The following WIZ variants were observed in gnomAD, a reference collection of about 807,000 sequenced individuals.
The protein encoded by WIZ is WIZ zinc finger, also known as protein Wiz.
A neutral mutation model predicts 140.2 loss-of-function variants in WIZ; 25 were observed. The ratio of observed to expected loss-of-function variants is 0.18; its 90% CI spans 0.13 to 0.25. The LOEUF (loss-of-function observed/expected upper bound fraction) is 0.25, where lower values mean the gene tolerates loss of function less well. WIZ is among the 10% of genes least tolerant of loss of function. The pLI, the probability that WIZ is intolerant of heterozygous loss-of-function variation, is 1.00. For missense variants in WIZ, 2,231 were observed against 2,632.6 expected (o/e 0.85, Z 3.34); for synonymous variants, 1,125 against 1,154.3 (o/e 0.97, Z 0.51).
Position 15,420,142 on chromosome 19 carries a change from A to G in WIZ, c.*2934T>C, listed in dbSNP as rs1048337122. 2.6e-5 allele frequency: 4 copies of G among 152,242 alleles called. No individual in the cohort carries two copies. The highest frequency in any genetic ancestry group is 4.4e-5 in the Non-Finnish European group (3 of 68,046). 9.4% of individuals were successfully genotyped at this position (152,242 alleles called of 1,614,324 possible). A position where few individuals can be genotyped will look rare whatever the true frequency, so the allele number is the denominator to read the frequency against. ...CTTCACACAATTCAGACAGGTAGAGAGAGGAGGAGGAAGCAAGGAGCTATA... is the reference window on the plus strand; with the variant it reads ...CTTCACACAATTCAGACAGGTAGAGGGAGGAGGAGGAAGCAAGGAGCTATA... On this transcript the variant is annotated 3_prime_UTR_variant, in exon 13 of 13. Transcript: ENST00000673675.
intron 2 of WIZ, among the ~76,000 whole-genome samples, chr19:15,444,035 G>A (rs950095466): frequency 1.3e-5 from 2 of 152,196 alleles, no homozygotes; most frequent in Non-Finnish European, 2.9e-5. Context: ...CTTGCCAATC[G>A]GGGAGCAGGC....
At chr19:15,435,141 C>T (rs1969474293) in intron 5 of WIZ, among the ~76,000 whole-genome samples, 1 of 152,098 alleles carries the variant, frequency 6.6e-6, no homozygotes, top group African/African-American at 2.4e-5. Context: ...TCGCTTGAAC[C>T]TGGGCAGCGG....
rs1352401537 is a variant in WIZ at position 15,439,725 on chromosome 19, G to A, written c.1269C>T (p.His423=). The change falls in exon 4 of 13, where the codon CAC becomes CAT. Residue 423 remains histidine, a synonymous_variant. Transcript: ENST00000673675. This position sits in a 1 kb window ranked among gnomAD's most constrained non-coding sequence, Gnocchi z 7.0. Reference sequence around the variant, plus strand: ...TGGTCTGGCCTGGGGGCTCACGCATGTGCAGCTTGGCATGCTGCACATAGG... The same window carrying A: ...TGGTCTGGCCTGGGGGCTCACGCATATGCAGCTTGGCATGCTGCACATAGG... The part of the protein sequence containing the change: ...SRAYVQHAKL[H]MREPPGQTTK... The A allele has an allele frequency of 1.4e-6, 2 of 1,477,442 alleles. No homozygotes were observed. Among genetic ancestry groups the A allele is most frequent in the African/African-American group, 1.4e-5 (1 of 70,608 alleles). 91.5% of individuals were successfully genotyped at this position (1,477,442 alleles called of 1,614,324 possible). A position where few individuals can be genotyped will look rare whatever the true frequency, so the allele number is the denominator to read the frequency against.
chr19:15,438,148 A>G (rs1969585560), intron 4 of WIZ, among the ~76,000 whole-genome samples: 1 of 152,204 alleles, frequency 6.6e-6, no homozygotes, highest in African/African-American at 2.4e-5. Context: ...GGAACTGACA[A>G]ACCTTACAGG....
In WIZ at chr19:15,430,067, C is replaced by T. The variant is rs1231672979; in HGVS notation, c.2934G>A (p.Glu978=). 1.4e-5 allele frequency: 22 copies of T among 1,531,882 alleles called. No individual in the cohort carries two copies. Among genetic ancestry groups the T allele is most frequent in the Non-Finnish European group, 1.7e-5 (20 of 1,144,026 alleles). 94.9% of individuals were successfully genotyped at this position (1,531,882 alleles called of 1,614,324 possible). The change falls in exon 7 of 13, where the codon GAG becomes GAA. Residue 978 remains glutamate (E), a synonymous_variant. Transcript: ENST00000673675. ...GGGTCTCAAAGCAGGCACCGCAGACCTCGCAGGTGGTCAGGCTCTGGGCTG... is the reference window on the plus strand; with the variant it reads ...GGGTCTCAAAGCAGGCACCGCAGACTTCGCAGGTGGTCAGGCTCTGGGCTG... ...DLKAQSLTTC[E]VCGACFETRK...
In WIZ at chr19:15,424,940, C is replaced by T; in HGVS notation, c.4987G>A (p.Val1663Met). The T allele has an allele frequency of 3.1e-6, 5 of 1,609,862 alleles. No homozygotes were observed. Among genetic ancestry groups the T allele is most frequent in the Non-Finnish European group, 3.4e-6 (4 of 1,178,874 alleles). ...GAGCCATTGACGCACCACTCGGTCA[C>T]GCCGAACTGCCGCAGGTGTGCCCGT... ...HARAHLRQFG[V>M]TEWCVNGSPI... The change falls in exon 11 of 13, where the codon GTG becomes ATG. Residue 1663 changes from valine to methionine, a missense_variant. Transcript: ENST00000673675. The surrounding 1 kb of genome is among the most constrained non-coding windows in gnomAD (Gnocchi z 9.7).
At chr19:15,426,921 G>A in intron 9 of WIZ, 61 bp downstream of exon 9, 1 of 1,541,596 alleles carries the variant, frequency 6.5e-7, no homozygotes, top group East Asian at 2.3e-5. Context: ...TACCCCCAAG[G>A]GGAGGCAGGG....
chr19:15,439,224 G>T lies in WIZ; in HGVS notation c.1770C>A (p.Tyr590Ter). The change falls in exon 4 of 13, where the codon TAC becomes TAA. Residue 590 changes from tyrosine to a stop codon, truncating the protein, a stop_gained. Transcript: ENST00000673675. LOFTEE classifies it high-confidence loss of function. The surrounding 1 kb of genome is among the most constrained non-coding windows in gnomAD (Gnocchi z 7.0). ...AFPSTLASTPYSLQLGRNKST... is the reference protein window; with the variant it reads ...AFPSTLASTP ...TTTTGTTTCTCCCGAGCTGTAAGGA[G>T]TAGGGGGTGGATGCTAGTGTGGAGG... is the stretch of plus-strand genomic sequence containing the variant. 1 of 1,535,754 alleles carries T rather than the reference G, an allele frequency of 6.5e-7. No individual in the cohort carries two copies. Among genetic ancestry groups the T allele is most frequent in the Non-Finnish European group, 8.7e-7 (1 of 1,146,704 alleles).
At chr19:15,429,509 CCTGGG>C (rs1969082092) in intron 7 of WIZ, 72 bp downstream of exon 7, 8 of 1,250,224 alleles carry the variant, frequency 6.4e-6, no homozygotes. Context: ...GGGCCCTGTC[CCTGGG>C]CTACAGCCCA....
At chr19:15,423,530 CTG>C (rs1968509348) in intron 12 of WIZ, among the ~76,000 whole-genome samples, 1 of 152,178 alleles carries the variant, frequency 6.6e-6, no homozygotes, top group South Asian at 2.1e-4. Context: ...TACATAGAAT[CTG>C]AGACAGTAGA....
chr19:15,425,852 AG>A (rs1568290562), intron 9 of WIZ, 84 bp from the exon 10 acceptor site: 1 of 2,672 alleles, frequency 3.7e-4, no homozygotes, highest in Non-Finnish European at 6.5e-4. Context: ...AGGAGGAGGG[AG>A]GAGGGAGGAG....
At chr19:15,446,898 T>C (rs1844618084) in intron 2 of WIZ, among the ~76,000 whole-genome samples, 1 of 152,200 alleles carries the variant, frequency 6.6e-6, no homozygotes, top group Non-Finnish European at 1.5e-5. Flanking sequence ...TTTATAAATA[T>C]CCGAGCATCA....
rs1968568734 is a variant in WIZ at position 15,424,292 on chromosome 19, C to T, written c.5401G>A (p.Glu1801Lys). The change falls in exon 12 of 13, where the codon GAG (glutamate) becomes AAG (lysine). Residue 1801 changes from glutamate to lysine, a missense_variant. By Grantham distance (56) the Glu-to-Lys change is moderately conservative. Around this residue, in one of 15 missense-constraint regions of WIZ, gnomAD observed 299 missense variants for 309.6 expected, o/e 0.97. Coordinates refer to ENST00000673675, the MANE Select transcript of WIZ (RefSeq NM_001371589.1). This position sits in a 1 kb window ranked among gnomAD's most constrained non-coding sequence, Gnocchi z 9.7. ...ACTCGGGGTGGGGGTTGCCGCACCT[C>T]CTCCAGCTTCTGCTGTAGGTCATTG... is the stretch of plus-strand genomic sequence containing the variant. Reference protein sequence around the residue: ...DTNDLQQKLEEVRQPPPRVRP... With the variant: ...DTNDLQQKLEKVRQPPPRVRP... The T allele has an allele frequency of 6.9e-6, 11 of 1,596,230 alleles. No individual in the cohort carries two copies. The highest frequency in any genetic ancestry group is 1.1e-5 in the South Asian group (1 of 89,432).
Position 15,424,933 on chromosome 19 carries a change from T to C in WIZ, c.4994A>G (p.Glu1665Gly), listed in dbSNP as rs1968639453. Reference sequence around the variant, plus strand: ...GATGGGCGAGCCATTGACGCACCACTCGGTCACGCCGAACTGCCGCAGGTG... The same window carrying C: ...GATGGGCGAGCCATTGACGCACCACCCGGTCACGCCGAACTGCCGCAGGTG... ...RAHLRQFGVT[E>G]WCVNGSPIET... Residue 1665 changes from glutamate to glycine, a missense_variant, in exon 11 of 13, where the codon GAG becomes GGG. This residue lies in a region of WIZ where 18 missense variants were observed against 61.4 expected (regional missense o/e 0.29). Transcript: ENST00000673675. This position sits in a 1 kb window ranked among gnomAD's most constrained non-coding sequence, Gnocchi z 9.7. 6.2e-7 allele frequency: 1 copy of C among 1,610,402 alleles called. No homozygotes were observed. Among genetic ancestry groups the C allele is most frequent in the Non-Finnish European group, 8.5e-7 (1 of 1,179,132 alleles).
chr19:15,429,494 A>T, intron 7 of WIZ, 92 bp downstream of exon 7: 1 of 411,344 alleles, frequency 2.4e-6, no homozygotes, highest in Non-Finnish European at 3.8e-6. Flanking sequence ...GCCCCCACCC[A>T]CCCTGGGCCC....
intron 12 of WIZ, chr19:15,423,978 G>A (rs1968542906): frequency 8.2e-6 from 4 of 487,214 alleles, no homozygotes; most frequent in Non-Finnish European, 1.1e-5. Context: ...TCACTAAGCT[G>A]GTAAGTGGCA....
chr19:15,432,510 T>A, intron 5 of WIZ: 1 of 631,080 alleles, frequency 1.6e-6, no homozygotes, highest in Non-Finnish European at 1.9e-6. Context: ...GCGGTGGCGG[T>A]GGCGGTGGTG....
chr19:15,425,846 GGAGGGAGGAGGGA>G (rs1568290467), intron 9 of WIZ, 78 bp from the exon 10 acceptor site: 303 of 28,500 alleles, frequency 0.011, 46 homozygotes, highest in East Asian at 0.033. Flanking sequence ...GGGAGGAGGA[GGAGGGAGGAGGGA>G]GGAGGAGGAG....
chr19:15,449,740 C>T (rs1298821853), intron 1 of WIZ, 58 bp downstream of exon 1: 1 of 145,932 alleles, frequency 6.9e-6, no homozygotes, highest in African/African-American at 2.5e-5. Context: ...CGGGGCCTCC[C>T]CCGCCCCGCT....
Sources: gnomAD v4.1 joint callset for allele counts (sites outside exome capture counted in the v4.1 genomes callset) on GRCh38, gnomAD v4.1.1 for gene constraint, gnomAD v4.1.1 regional missense constraint, Gnocchi (gnomAD v3.1) non-coding constraint, MANE v1.5 for transcripts, NCBI Gene and HGNC (gene_info 2026-07-23, HGNC 2026-07-21) for gene names.